Variants in LRBA observed in about 807,000 individuals in gnomAD.
LRBA encodes the protein lipopolysaccharide-responsive and beige-like anchor protein.
LRBA carries 176 observed loss-of-function variants against 330.0 expected under a neutral mutation model. The ratio of observed to expected loss-of-function variants is 0.53; its 90% CI spans 0.47 to 0.60. The LOEUF is 0.60. Among genes scored for constraint, LRBA ranks in the 20% least tolerant of loss-of-function variants. The pLI is 0.00. For synonymous variants in LRBA, 1,230 were observed against 1,193.0 expected, an observed-to-expected ratio of 1.03 and a Z score of -0.64; for missense variants, 3,259 against 3,444.8, an observed-to-expected ratio of 0.95 and a Z score of 1.35.
chr4:150,574,716 A>T (rs1425091619), intron 40 of LRBA, among the ~76,000 whole-genome samples: 3 of 152,102 alleles, frequency 2.0e-5, no homozygotes, highest in Admixed American at 2.0e-4. Flanking sequence ...AGCTTTGATT[A>T]GCAGAAAAGA....
intron 49 of LRBA, among the ~76,000 whole-genome samples, chr4:150,322,898 C>T (rs146691760): frequency 4.6e-5 from 7 of 152,136 alleles, no homozygotes; most frequent in East Asian, 1.9e-4. Context: ...AGGCAGCCTT[C>T]GTGTGCCTGC....
chr4:150,363,191 A>T (rs1196521527), intron 47 of LRBA, among the ~76,000 whole-genome samples: 1 of 152,078 alleles, frequency 6.6e-6, no homozygotes, highest in African/African-American at 2.4e-5. Flanking sequence ...TATAACCTTG[A>T]TATCTTTGTT....
intron 46 of LRBA, among the ~76,000 whole-genome samples, chr4:150,416,309 T>G (rs977958802): frequency 6.6e-6 from 1 of 152,230 alleles, no homozygotes; most frequent in Non-Finnish European, 1.5e-5. Context: ...AGTCTTGACA[T>G]GGGTCAGTGG....
intron 22 of LRBA, among the ~76,000 whole-genome samples, chr4:150,856,872 C>T (rs368392170): frequency 1.1e-4 from 16 of 152,122 alleles, no homozygotes; most frequent in African/African-American, 3.6e-4. Context: ...GTTAAAGATA[C>T]TTGTGAGCTA....
chr4:150,850,741 ATC>A lies in LRBA; in HGVS notation c.3985_3986del (p.Asp1329TyrfsTer18). ...AGACAAACCTTCTCCACATCTGTAT[ATC>A]TGTTTCTATTGAAAATAATAGATCA... The part of the protein sequence containing the change: ...LTDLLFSIET[D>X]IQMWRSHSTK... On this transcript the variant is annotated frameshift_variant, in exon 24 of 57. Coordinates refer to ENST00000651943, the MANE Select transcript of LRBA (RefSeq NM_001364905.1). LOFTEE classifies it high-confidence loss of function. 1 of 1,611,650 alleles carries A rather than the reference ATC, an allele frequency of 6.2e-7. No homozygotes were observed. Among genetic ancestry groups the A allele is most frequent in the Non-Finnish European group, 8.5e-7 (1 of 1,178,026 alleles).
chr4:150,942,361 T>C (rs1004155806), intron 2 of LRBA, among the ~76,000 whole-genome samples: 1 of 152,200 alleles, frequency 6.6e-6, no homozygotes, highest in Non-Finnish European at 1.5e-5. Context: ...TAGGTTAAAT[T>C]TGGTATTCTC....
At chr4:150,701,703 C>G (rs1283681843) in intron 36 of LRBA, among the ~76,000 whole-genome samples, 1 of 152,162 alleles carries the variant, frequency 6.6e-6, no homozygotes, top group African/African-American at 2.4e-5. Context: ...AAGACATTAA[C>G]TAAAATGTCC....
intron 36 of LRBA, 88 bp from the exon 37 acceptor site, chr4:150,683,805 C>T: frequency 1.0e-6 from 1 of 982,628 alleles, no homozygotes; most frequent in East Asian, 2.7e-5. Flanking sequence ...TAAATCAAAA[C>T]AACCAAAATT....
chr4:151,014,529 C>A lies in LRBA; in HGVS notation c.114G>T (p.Gly38=), dbSNP rs72721739. 2,396 of 1,614,090 alleles carry A rather than the reference C, an allele frequency of 1.5e-3. 4 individuals carry two copies. The highest frequency in any genetic ancestry group is 1.7e-3 in the Non-Finnish European group (2,009 of 1,179,984). ...TEGGALSLKP[G]LPIRGIRMKF... ...TCATTCTGATGCCCCTGATGGGGAG[C>A]CCTGGTTTCAGAGACAATGCACCCC... Residue 38 remains glycine (G), a synonymous_variant, in exon 2 of 57, where the codon GGG becomes GGT. Coordinates refer to ENST00000651943, the MANE Select transcript of LRBA (RefSeq NM_001364905.1).
chr4:150,559,967 T>C (rs1768102800), intron 40 of LRBA, among the ~76,000 whole-genome samples: 1 of 117,962 alleles, frequency 8.5e-6, no homozygotes, highest in South Asian at 2.3e-4. Flanking sequence ...TAAATATATA[T>C]ATTTATATAA....
intron 46 of LRBA, among the ~76,000 whole-genome samples, chr4:150,432,536 C>T (rs1415258715): frequency 7.2e-6 from 1 of 138,094 alleles, no homozygotes; most frequent in South Asian, 2.4e-4. Context: ...CGGCTCACTG[C>T]AAGCTCCGCC....
chr4:150,876,780 C>T (rs1004950339), intron 17 of LRBA, among the ~76,000 whole-genome samples: 7 of 152,124 alleles, frequency 4.6e-5, no homozygotes. Context: ...GCTTGCAAAC[C>T]TTATAAAACA....
intron 46 of LRBA, 140 bp downstream of exon 46, chr4:150,435,449 C>G: frequency 1.5e-6 from 1 of 687,998 alleles, no homozygotes. Context: ...TGCTGTAATT[C>G]TTGGCCATTT....
intron 40 of LRBA, among the ~76,000 whole-genome samples, chr4:150,575,333 C>T (rs376957847): frequency 1.3e-5 from 2 of 152,040 alleles, no homozygotes; most frequent in South Asian, 4.1e-4. Context: ...ATCACTTTTA[C>T]TCTAATTCAT....
chr4:150,831,311 A>G (rs891526113), intron 29 of LRBA, among the ~76,000 whole-genome samples: 1 of 152,092 alleles, frequency 6.6e-6, no homozygotes, highest in African/African-American at 2.4e-5. Context: ...CCATAAGGAA[A>G]CAGATTTTTT....
In LRBA at chr4:150,350,053, T is replaced by C. The variant is rs1472101683; in HGVS notation, c.7301A>G (p.Tyr2434Cys). 8 of 1,613,716 alleles carry C rather than the reference T, an allele frequency of 5.0e-6. No individual in the cohort carries two copies. The highest frequency in any genetic ancestry group is 2.2e-5 in the East Asian group (1 of 44,846). ...GACAGCTCCTTCATAGGTCAAGTAA[T>C]AGAACACATTGAGGGCTCGGACAGC... Reference protein sequence around the residue: ...PEAVRALNVFYYLTYEGAVNL... With the variant: ...PEAVRALNVFCYLTYEGAVNL... Residue 2434 changes from tyrosine (Y) to cysteine (C), a missense_variant, in exon 48 of 57, where the codon TAT becomes TGT. Coordinates refer to ENST00000651943, the MANE Select transcript of LRBA (RefSeq NM_001364905.1).
chr4:150,597,083 C>T, intron 38 of LRBA: 2 of 1,390,136 alleles, frequency 1.4e-6, no homozygotes, highest in Non-Finnish European at 2.0e-6. Flanking sequence ...CAATGCTTAC[C>T]TTTGCTGTTC....
At chr4:150,872,804 A>G in intron 17 of LRBA, 49 bp from the exon 18 acceptor site, 1 of 915,798 alleles carries the variant, frequency 1.1e-6, no homozygotes. Context: ...TAATTTTTAA[A>G]TGGAAAGGTT....
chr4:150,677,996 T>C (rs111420450), intron 37 of LRBA, among the ~76,000 whole-genome samples: 10,040 of 152,010 alleles, frequency 0.066, 1,035 homozygotes, highest in African/African-American at 0.22. Flanking sequence ...TCCTAGCACT[T>C]TGGGAGGCCG....
Sources: allele counts gnomAD v4.1 joint callset (sites outside exome capture counted in the v4.1 genomes callset), GRCh38; gene constraint gnomAD v4.1.1; transcripts MANE v1.5; gene names NCBI Gene and HGNC (gene_info 2026-07-23, HGNC 2026-07-21).